Variants in TMEM63C observed in about 807,000 individuals in gnomAD.
TMEM63C encodes the protein osmosensitive cation channel TMEM63C.
Under a neutral mutation model 99.2 loss-of-function variants are expected in TMEM63C, and 32 were observed. The ratio of observed to expected loss-of-function variants is 0.32; its 90% CI spans 0.24 to 0.43. TMEM63C has a LOEUF of 0.43. TMEM63C is among the 20% of genes least tolerant of loss of function. TMEM63C has a pLI of 1.00. For synonymous variants in TMEM63C, 376 were observed against 397.9 expected, an observed-to-expected ratio of 0.94 and a Z score of 0.66; for missense variants, 826 against 1,053.0, an observed-to-expected ratio of 0.78 and a Z score of 2.98.
chr14:77,244,963 G>A (rs532241050), intron 16 of TMEM63C, among the ~76,000 whole-genome samples: 7 of 152,332 alleles, frequency 4.6e-5, no homozygotes, highest in Non-Finnish European at 7.3e-5. Context: ...TGGTTCTATG[G>A]TGGCTGCTCA....
chr14:77,248,430 T>A lies in TMEM63C; in HGVS notation c.1685T>A (p.Leu562Gln). Residue 562 changes from leucine to glutamine, a missense_variant, in exon 19 of 24, where the codon CTG (leucine) becomes CAG (glutamine). Coordinates refer to ENST00000298351, the MANE Select transcript of TMEM63C (RefSeq NM_020431.4). ...AALLGTGMEL[L>Q]RLGSLFCYST... ...TTACTTGGCACAGGCATGGAGCTGC[T>A]GCGTCTGGGGTCACTCTTCTGCTAC... 1 of 1,591,092 alleles carries A rather than the reference T, an allele frequency of 6.3e-7. No homozygotes were observed. Among genetic ancestry groups the A allele is most frequent in the South Asian group, 1.1e-5 (1 of 87,462 alleles).
intron 1 of TMEM63C, among the ~76,000 whole-genome samples, chr14:77,188,974 C>T (rs1184218824): frequency 6.6e-6 from 1 of 151,964 alleles, no homozygotes; most frequent in Admixed American, 6.5e-5. Context: ...ATAAATTATA[C>T]CTTAGCAAAG....
chr14:77,216,548 C>A (rs1006039323), intron 2 of TMEM63C, among the ~76,000 whole-genome samples: 2 of 152,110 alleles, frequency 1.3e-5, no homozygotes, highest in Non-Finnish European at 2.9e-5. Flanking sequence ...CACCCTTGCA[C>A]GCACTCCCCC....
chr14:77,218,855 A>G lies in TMEM63C; in HGVS notation c.42A>G (p.Leu14=), dbSNP rs1355241109. 6.2e-7 allele frequency: 1 copy of G among 1,613,538 alleles called. No homozygotes were observed. The highest frequency in any genetic ancestry group is 8.5e-7 in the Non-Finnish European group (1 of 1,179,790). ...ACGACCTGAGTACAGGGGGAAGGTT[A>G]CAGAACATGACAGTGGATGAATGCT... ...SPDDLSTGGR[L]QNMTVDECFQ... is the part of the protein sequence containing the mutation. Residue 14 remains leucine, a synonymous_variant, in exon 3 of 24, where the codon TTA becomes TTG. Transcript: ENST00000298351.
intron 23 of TMEM63C, among the ~76,000 whole-genome samples, 182 bp from the exon 24 acceptor site, chr14:77,256,344 C>G (rs553020343): frequency 6.6e-6 from 1 of 152,192 alleles, no homozygotes; most frequent in African/African-American, 2.4e-5. Flanking sequence ...AGATGCTCAT[C>G]AAATGATCAA....
At chr14:77,235,677 G>A (rs111884701) in intron 8 of TMEM63C, among the ~76,000 whole-genome samples, 391 of 792 alleles carry the variant, frequency 0.49, 150 homozygotes, top group African/African-American at 0.76. Context: ...GGAGACTGTG[G>A]TGGGTGGCGG....
chr14:77,238,648 T>C (rs1444492202), intron 9 of TMEM63C, 46 bp from the exon 10 acceptor site: 1 of 1,509,434 alleles, frequency 6.6e-7, no homozygotes, highest in Admixed American at 1.7e-5. Flanking sequence ...CTGGAATTCC[T>C]ATGCAAGCAC....
intron 22 of TMEM63C, among the ~76,000 whole-genome samples, chr14:77,252,378 A>G (rs978099448): frequency 6.6e-6 from 1 of 152,166 alleles, no homozygotes; most frequent in Non-Finnish European, 1.5e-5. Flanking sequence ...CCTGCCCCAC[A>G]TGACTCCTTT....
intron 1 of TMEM63C, among the ~76,000 whole-genome samples, chr14:77,201,586 G>T (rs1888300711): frequency 6.6e-6 from 1 of 152,196 alleles, no homozygotes; most frequent in Non-Finnish European, 1.5e-5. Context: ...TCAGGGACTT[G>T]TTGGAGACAG....
intron 15 of TMEM63C, among the ~76,000 whole-genome samples, chr14:77,243,262 C>G (rs1481219477): frequency 6.6e-6 from 1 of 152,088 alleles, no homozygotes; most frequent in Non-Finnish European, 1.5e-5. Context: ...GTCTTAGGGA[C>G]CAGGGCTAGA....
chr14:77,245,816 G>T, intron 16 of TMEM63C, 124 bp from the exon 17 acceptor site: 1 of 722,492 alleles, frequency 1.4e-6, no homozygotes, highest in Middle Eastern at 3.6e-4. Context: ...GCTACAAGAT[G>T]AGATTTGGGT....
At chr14:77,189,432 C>T (rs1038231643) in intron 1 of TMEM63C, among the ~76,000 whole-genome samples, 4 of 151,890 alleles carry the variant, frequency 2.6e-5, no homozygotes, top group East Asian at 3.9e-4. Flanking sequence ...ATTTAATTTT[C>T]GCAAAAAACA....
chr14:77,239,324 C>G, intron 10 of TMEM63C, 88 bp from the exon 11 acceptor site: 1 of 1,371,432 alleles, frequency 7.3e-7, no homozygotes, highest in Non-Finnish European at 1.0e-6. Context: ...AGCCACCCAG[C>G]CCTCAGGGCC....
intron 1 of TMEM63C, among the ~76,000 whole-genome samples, chr14:77,209,611 G>A (rs548204705): frequency 8.6e-4 from 131 of 152,340 alleles, no homozygotes; most frequent in Non-Finnish European, 1.5e-3. Flanking sequence ...TGCAAGGCCA[G>A]CTGTGTAAAG....
chr14:77,219,122 G>A (rs1018236766), intron 3 of TMEM63C, among the ~76,000 whole-genome samples, 159 bp downstream of exon 3: 1 of 152,238 alleles, frequency 6.6e-6, no homozygotes, highest in Non-Finnish European at 1.5e-5. Flanking sequence ...CCCGGTAGGT[G>A]GGCCTCAAAG....
chr14:77,250,662 A>G (rs551850467), intron 21 of TMEM63C, among the ~76,000 whole-genome samples: 9 of 150,646 alleles, frequency 6.0e-5, no homozygotes, highest in Admixed American at 5.3e-4. Flanking sequence ...CTGGTCTCGA[A>G]CTCCTGAGCT....
At chr14:77,203,882 G>A (rs1172515224) in intron 1 of TMEM63C, among the ~76,000 whole-genome samples, 1 of 152,236 alleles carries the variant, frequency 6.6e-6, no homozygotes, top group Admixed American at 6.5e-5. Context: ...CCCATTGGCA[G>A]CCTCCAACCC....
chr14:77,220,043 A>G lies in TMEM63C; in HGVS notation c.268A>G (p.Thr90Ala). The G allele has an allele frequency of 6.4e-7, 1 of 1,562,554 alleles. No homozygotes were observed. Among genetic ancestry groups the G allele is most frequent in the Non-Finnish European group, 8.7e-7 (1 of 1,153,304 alleles). ...GATCTATGGGGAGCAGAGCGAGAAG[A>G]CATCTCCCTCGGAGACTTCCTTGGA... The part of the protein sequence containing the change: ...SLIYGEQSEK[T>A]SPSETSLEME... Residue 90 changes from threonine (T) to alanine (A), a missense_variant, in exon 5 of 24, where the codon ACA becomes GCA. By Grantham distance (58) the Thr-to-Ala change is moderately conservative (BLOSUM62 0). Coordinates refer to ENST00000298351, the MANE Select transcript of TMEM63C (RefSeq NM_020431.4).
Position 77,219,550 on chromosome 14 carries a change from G to A in TMEM63C, c.203G>A (p.Arg68His), listed in dbSNP as rs766738222. Residue 68 changes from arginine (R) to histidine (H), a missense_variant, in exon 4 of 24, where the codon CGC becomes CAC. Transcript: ENST00000298351. ...CGGAAAGCTGCGTGGGACTATGGGCGCCTGGCTCTGCTGATACACAATGAC... is the reference window on the plus strand; with the variant it reads ...CGGAAAGCTGCGTGGGACTATGGGCACCTGGCTCTGCTGATACACAATGAC... ...FLRKAAWDYG[R>H]LALLIHNDSL... 1.2e-5 allele frequency: 20 copies of A among 1,613,964 alleles called. No homozygotes were observed. The highest frequency in any genetic ancestry group is 1.7e-5 in the Admixed American group (1 of 60,030).
Sources: allele counts gnomAD v4.1 joint callset (sites outside exome capture counted in the v4.1 genomes callset), GRCh38; gene constraint gnomAD v4.1.1; transcripts MANE v1.5; gene names NCBI Gene and HGNC (gene_info 2026-07-23, HGNC 2026-07-21).